The following COL25A1 variants were observed in gnomAD, a reference collection of about 807,000 sequenced individuals.
COL25A1 encodes the protein collagen type XXV alpha 1 chain.
In COL25A1, 103 loss-of-function variants were observed where a neutral mutation model predicts 128.4. The observed-to-expected ratio is 0.80, with a 90% CI of 0.68 to 0.94. The LOEUF is 0.94. COL25A1 is among the 40% of genes least tolerant of loss of function. The probability of loss-of-function intolerance (pLI) is 0.00; values close to 1 mark genes in which losing one functional copy is unlikely to be tolerated. For synonymous variants in COL25A1, 279 were observed against 277.2 expected (o/e 1.01, Z -0.06); for missense variants, 745 against 840.0 (o/e 0.89, Z 1.40).
chr4:109,032,890 A>G (rs1560572709), intron 5 of COL25A1, among the ~76,000 whole-genome samples: 2 of 152,224 alleles, frequency 1.3e-5, no homozygotes, highest in African/African-American at 2.4e-5. Context: ...CACTTGCCCC[A>G]TGCATGAATG....
chr4:109,216,662 C>T (rs143852657), intron 3 of COL25A1, among the ~76,000 whole-genome samples: 285 of 152,240 alleles, frequency 1.9e-3, no homozygotes, highest in African/African-American at 6.3e-3. Flanking sequence ...CTGTAAGAGG[C>T]AAGGAAGGGC....
chr4:109,200,239 A>T (rs903144369), intron 3 of COL25A1, among the ~76,000 whole-genome samples: 2 of 152,172 alleles, frequency 1.3e-5, no homozygotes, highest in Non-Finnish European at 2.9e-5. Context: ...TGCTGGTGAG[A>T]CACTTCCTTC....
intron 6 of COL25A1, 33 bp downstream of exon 6, chr4:109,010,325 T>G (rs1470945225): frequency 6.5e-7 from 1 of 1,547,488 alleles, no homozygotes; most frequent in East Asian, 2.3e-5. Flanking sequence ...AATCCTAAAT[T>G]GAAAATAATT....
At chr4:109,214,457 T>C (rs1393867629) in intron 3 of COL25A1, among the ~76,000 whole-genome samples, 1 of 152,130 alleles carries the variant, frequency 6.6e-6, no homozygotes, top group East Asian at 1.9e-4. Flanking sequence ...TAAGAAACAC[T>C]AGTAACACTA....
intron 5 of COL25A1, chr4:109,022,266 T>C (rs1452361796): frequency 9.3e-6 from 4 of 429,538 alleles, no homozygotes; most frequent in Admixed American, 2.6e-5. Context: ...TTAGGGAAAA[T>C]AGAAAGAACC....
chr4:108,890,609 C>A (rs1461704493), intron 16 of COL25A1, among the ~76,000 whole-genome samples: 2 of 152,198 alleles, frequency 1.3e-5, no homozygotes, highest in Non-Finnish European at 2.9e-5. Context: ...CTAGCCCTCT[C>A]TGTCTCATGA....
At position 108,812,903 on chromosome 4, in the gene COL25A1, C is replaced by T. The variant is rs1042836576; in HGVS notation, c.*1024G>A. On this transcript the variant is annotated 3_prime_UTR_variant, in exon 38 of 38. Transcript: ENST00000399132. ...GGTGGGATGGACATCCCTTTTCCCT[C>T]AGGGACAGGATCTCCCATTCCAAGA... 6.6e-6 allele frequency: 1 copy of T among 152,202 alleles called. No individual in the cohort carries two copies. The highest frequency in any genetic ancestry group is 2.4e-5 in the African/African-American group (1 of 41,444). The allele number at this position is 152,202 out of a possible 1,614,324, so 9.4% of individuals were successfully genotyped here.
At chr4:109,139,419 T>C (rs1770159611) in intron 3 of COL25A1, among the ~76,000 whole-genome samples, 1 of 152,194 alleles carries the variant, frequency 6.6e-6, no homozygotes. Flanking sequence ...ATGTCCTGAA[T>C]GGTATTGCCT....
In COL25A1 at chr4:109,088,139, C is replaced by T. The variant is rs1338506930; in HGVS notation, c.368-37960G>A. On this transcript the variant is annotated intron_variant, in intron 3 of 37. Coordinates refer to ENST00000399132, the MANE Select transcript of COL25A1 (RefSeq NM_198721.4). ...GCATATTTTATGCTGCTCTTATTGA[C>T]AGATGCTTTTTAAGTTTTAATTTTA... 3.3e-5 allele frequency among the ~76,000 whole-genome samples: 5 copies of T among 151,910 alleles called. No individual in the cohort carries two copies. The East Asian group carries it at 7.7e-4, about 23-fold the overall frequency.
chr4:109,295,829 C>T (rs910152401), intron 3 of COL25A1, among the ~76,000 whole-genome samples: 3 of 152,028 alleles, frequency 2.0e-5, no homozygotes, highest in African/African-American at 7.2e-5. Flanking sequence ...CGCTTGCCTA[C>T]ATGTATTCTT....
chr4:108,884,250 A>T (rs759274310), intron 18 of COL25A1, 28 bp from the exon 19 acceptor site: 5 of 1,599,562 alleles, frequency 3.1e-6, no homozygotes, highest in Admixed American at 3.3e-5. Context: ...ATAGCATTAT[A>T]GAATGATATT....
At chr4:109,222,353 C>T (rs556111538) in intron 3 of COL25A1, among the ~76,000 whole-genome samples, 120 of 151,998 alleles carry the variant, frequency 7.9e-4, no homozygotes, top group African/African-American at 2.8e-3. Context: ...TGAGCCACAG[C>T]GCCTGGCCAA....
intron 3 of COL25A1, among the ~76,000 whole-genome samples, chr4:109,145,168 C>T (rs1011354614): frequency 2.7e-4 from 40 of 150,912 alleles, no homozygotes; most frequent in Admixed American, 9.9e-4. Flanking sequence ...CCTGGGTTCA[C>T]GCCATTCTCC....
At chr4:108,825,084 T>A in intron 34 of COL25A1, 112 bp downstream of exon 34, 1 of 786,806 alleles carries the variant, frequency 1.3e-6, no homozygotes. Context: ...CAATATATGT[T>A]CTATGCATAC....
intron 11 of COL25A1, among the ~76,000 whole-genome samples, chr4:108,931,803 A>G (rs934364453): frequency 6.6e-6 from 1 of 152,142 alleles, no homozygotes; most frequent in African/African-American, 2.4e-5. Context: ...GGTCCCTTTG[A>G]AAAACAGCAC....
In COL25A1 at chr4:108,925,567, G is replaced by T. The variant is rs1745952698; in HGVS notation, c.709-4963C>A. On this transcript the variant is annotated intron_variant, in intron 11 of 37. Coordinates refer to ENST00000399132, the MANE Select transcript of COL25A1 (RefSeq NM_198721.4). ...TACAAACAGGGAAGAACAATTGTAT[G>T]TGTATGGCCTTGTAGGTGCTTGTAA... Among the ~76,000 whole-genome samples, 3 of 152,314 alleles carry T rather than the reference G, an allele frequency of 2.0e-5. No individual in the cohort carries two copies. The South Asian group carries it at 6.2e-4, about 32-fold the overall frequency.
chr4:109,247,834 CA>C (rs1780377872), intron 3 of COL25A1, among the ~76,000 whole-genome samples: 2 of 151,864 alleles, frequency 1.3e-5, no homozygotes, highest in Non-Finnish European at 2.9e-5. Context: ...AATACAGAAA[CA>C]TAAGAGACAA....
chr4:108,883,945 T>C (rs1053857550), intron 19 of COL25A1, among the ~76,000 whole-genome samples: 3 of 152,198 alleles, frequency 2.0e-5, no homozygotes, highest in Non-Finnish European at 4.4e-5. Flanking sequence ...TACATTTATT[T>C]AAGGGGCAGT....
intron 3 of COL25A1, among the ~76,000 whole-genome samples, chr4:109,130,486 A>G (rs941409859): frequency 6.6e-6 from 1 of 152,202 alleles, no homozygotes; most frequent in Non-Finnish European, 1.5e-5. Flanking sequence ...GGAGCGATCA[A>G]GGATGATTTC....
Sources: gnomAD v4.1 joint callset for allele counts (sites outside exome capture counted in the v4.1 genomes callset) on GRCh38, gnomAD v4.1.1 for gene constraint, MANE v1.5 for transcripts, NCBI Gene and HGNC (gene_info 2026-07-23, HGNC 2026-07-21) for gene names.